The following GLIS1 variants were observed in gnomAD, a reference collection of about 807,000 sequenced individuals.
GLIS1 encodes zinc finger protein GLIS1.
Under a neutral mutation model 63.8 loss-of-function variants are expected in GLIS1, and 24 were observed. The observed-to-expected ratio is 0.38, with a 90% CI of 0.27 to 0.53. The LOEUF (loss-of-function observed/expected upper bound fraction) is 0.53, where lower values mean the gene tolerates loss of function less well. Ranked by LOEUF, GLIS1 falls within the 20% of genes least tolerant of loss-of-function variation. GLIS1 has a pLI of 0.85. For missense variants in GLIS1, 1,036 were observed against 1,074.1 expected (o/e 0.96, Z 0.50); for synonymous variants, 450 against 482.5 (o/e 0.93, Z 0.88).
intron 4 of GLIS1, among the ~76,000 whole-genome samples, chr1:53,569,881 G>T (rs1644968545): frequency 6.6e-6 from 1 of 151,908 alleles, no homozygotes; most frequent in Non-Finnish European, 1.5e-5. Context: ...ATCTTTAAAA[G>T]AAAGATATAT....
intron 5 of GLIS1, among the ~76,000 whole-genome samples, chr1:53,528,634 G>A (rs1017995899): frequency 3.3e-5 from 5 of 151,998 alleles, no homozygotes; most frequent in African/African-American, 4.8e-5. Flanking sequence ...CGGTTTTCCC[G>A]GCTCTAAGGT....
rs76608674 is a variant in GLIS1 at position 53,539,647 on chromosome 1, T to C, written c.1321-9695A>G. Among the ~76,000 whole-genome samples the C allele has an allele frequency of 0.026, 3,938 of 151,882 alleles. 162 individuals carry two copies. The highest frequency in any genetic ancestry group is 0.085 in the African/African-American group (3,524 of 41,418). ...GCCAGGACACACATGTTCACACATA[T>C]ACCCAAAGACGTCCAAGCCCCAGAC... On this transcript the variant is annotated intron_variant, in intron 4 of 10. Transcript: ENST00000628545. This position sits in a 1 kb window ranked among gnomAD's most constrained non-coding sequence, Gnocchi z 5.0.
intron 6 of GLIS1, among the ~76,000 whole-genome samples, chr1:53,523,366 T>G (rs1296358348): frequency 6.6e-6 from 1 of 152,074 alleles, no homozygotes. Context: ...TGAGGCCCCT[T>G]GCTCCCAGCA....
intron 2 of GLIS1, among the ~76,000 whole-genome samples, chr1:53,691,390 G>A (rs1243602434): frequency 2.6e-5 from 4 of 152,110 alleles, no homozygotes; most frequent in Non-Finnish European, 5.9e-5. Context: ...CTAAATCCAT[G>A]TTCCTCAAAG....
At chr1:53,670,472 C>T (rs1646139302) in intron 2 of GLIS1, among the ~76,000 whole-genome samples, 1 of 152,208 alleles carries the variant, frequency 6.6e-6, no homozygotes, top group African/African-American at 2.4e-5. Flanking sequence ...TTCATTGCTT[C>T]CTGCTCCAGA....
chr1:53,577,437 C>T (rs4634849), intron 4 of GLIS1, among the ~76,000 whole-genome samples: 77,733 of 152,068 alleles, frequency 0.51, 23,243 homozygotes, highest in Admixed American at 0.66. Flanking sequence ...TCAGATCAAG[C>T]CATTTCTGGA....
chr1:53,576,536 C>A (rs1160632155), intron 4 of GLIS1, among the ~76,000 whole-genome samples: 1 of 152,150 alleles, frequency 6.6e-6, no homozygotes, highest in African/African-American at 2.4e-5. Context: ...CCCGCCTCCC[C>A]ATCCACTGGG....
chr1:53,548,207 T>A (rs934747993), intron 4 of GLIS1, among the ~76,000 whole-genome samples: 13 of 152,184 alleles, frequency 8.5e-5, no homozygotes, highest in African/African-American at 2.7e-4. Context: ...ACATCCAGGG[T>A]GTGCCCCAGG....
In GLIS1 at chr1:53,551,143, G is replaced by A. The variant is rs573951851; in HGVS notation, c.1321-21191C>T. Among the ~76,000 whole-genome samples the A allele has an allele frequency of 1.2e-4, 18 of 152,252 alleles. No individual in the cohort carries two copies. In the Middle Eastern group the frequency reaches 0.01, roughly 86 times the overall value. ...ATTACAGGCGTGAGCCACTGCGCCC[G>A]GCCAGTGATTTTTTAAAGGATCCCC... On this transcript the variant is annotated intron_variant, in intron 4 of 10. Transcript: ENST00000628545.
intron 2 of GLIS1, among the ~76,000 whole-genome samples, chr1:53,621,191 T>A (rs989630627): frequency 2.6e-5 from 4 of 152,222 alleles, no homozygotes; most frequent in African/African-American, 9.6e-5. Context: ...AGTGAGATAA[T>A]GCCCCATGGG....
chr1:53,698,158 C>A (rs1646486182), intron 2 of GLIS1, among the ~76,000 whole-genome samples: 1 of 147,902 alleles, frequency 6.8e-6, no homozygotes, highest in African/African-American at 2.5e-5. Context: ...CATAAACTCT[C>A]CCAGGAACAC....
chr1:53,619,863 A>G (rs1230328606), intron 2 of GLIS1, among the ~76,000 whole-genome samples: 1 of 152,228 alleles, frequency 6.6e-6, no homozygotes, highest in African/African-American at 2.4e-5. Flanking sequence ...AGGGCTGTCC[A>G]AGGTGACACT....
chr1:53,637,533 A>T (rs1645739331), intron 2 of GLIS1, among the ~76,000 whole-genome samples: 1 of 152,204 alleles, frequency 6.6e-6, no homozygotes, highest in Admixed American at 6.5e-5. Context: ...CCGAGGTTCA[A>T]GAATATGGAC....
chr1:53,638,580 C>T (rs991297490), intron 2 of GLIS1, among the ~76,000 whole-genome samples: 7 of 152,200 alleles, frequency 4.6e-5, no homozygotes, highest in South Asian at 4.1e-4. Context: ...GCCTCATGAC[C>T]CCAGCAGGGC....
intron 2 of GLIS1, among the ~76,000 whole-genome samples, chr1:53,641,575 T>C (rs575933418): frequency 1.8e-4 from 27 of 152,116 alleles, no homozygotes; most frequent in South Asian, 4.2e-4. Flanking sequence ...ACCTGAAAAA[T>C]GTGGGTGAAA....
At chr1:53,522,348 G>A (rs896282776) in intron 6 of GLIS1, among the ~76,000 whole-genome samples, 6 of 152,228 alleles carry the variant, frequency 3.9e-5, no homozygotes, top group African/African-American at 1.4e-4. Flanking sequence ...CAAGTCCCCG[G>A]GGGCTCAGTG....
At chr1:53,640,626 C>G (rs1645776878) in intron 2 of GLIS1, among the ~76,000 whole-genome samples, 1 of 152,214 alleles carries the variant, frequency 6.6e-6, no homozygotes, top group South Asian at 2.1e-4. Context: ...GAGCACTTCA[C>G]TTGGACTGTC....
intron 2 of GLIS1, among the ~76,000 whole-genome samples, chr1:53,657,550 C>T (rs999083335): frequency 3.9e-5 from 6 of 152,134 alleles, no homozygotes; most frequent in South Asian, 4.1e-4. Flanking sequence ...CTCTTGGTTT[C>T]CTGGAGCCCT....
At chr1:53,633,485 ATGAG>A (rs1435134901) in intron 2 of GLIS1, among the ~76,000 whole-genome samples, 3 of 143,344 alleles carry the variant, frequency 2.1e-5, no homozygotes, top group Non-Finnish European at 3.1e-5. Context: ...GGGTGTGTGA[ATGAG>A]TGTGGCTGAG....
Sources: gnomAD v4.1 joint callset for allele counts (sites outside exome capture counted in the v4.1 genomes callset) on GRCh38, gnomAD v4.1.1 for gene constraint, Gnocchi (gnomAD v3.1) non-coding constraint, MANE v1.5 for transcripts, NCBI Gene and HGNC (gene_info 2026-07-23, HGNC 2026-07-21) for gene names.